The following ZNF438 variants were observed in gnomAD, a reference collection of about 807,000 sequenced individuals.
ZNF438 encodes the protein zinc finger protein 438.
In ZNF438, 25 loss-of-function variants were observed where a neutral mutation model predicts 38.0. That is an observed-to-expected ratio of 0.66 (90% CI 0.48 to 0.92). ZNF438 has a LOEUF of 0.92. ZNF438 is among the 40% of genes least tolerant of loss of function. The probability of loss-of-function intolerance (pLI) is 0.00; values close to 1 mark genes in which losing one functional copy is unlikely to be tolerated. For synonymous variants in ZNF438, 372 were observed against 364.1 expected, an observed-to-expected ratio of 1.02 and a Z score of -0.25; for missense variants, 1,007 against 999.6, an observed-to-expected ratio of 1.01 and a Z score of -0.10.
intron 1 of ZNF438, among the ~76,000 whole-genome samples, chr10:30,946,487 C>A (rs1365363892): frequency 6.6e-6 from 1 of 152,010 alleles, no homozygotes; most frequent in Non-Finnish European, 1.5e-5. Flanking sequence ...TGAACTCAAA[C>A]AAATTTACAA....
chr10:30,879,961 C>G (rs1437835309), intron 3 of ZNF438, among the ~76,000 whole-genome samples: 1 of 151,394 alleles, frequency 6.6e-6, no homozygotes, highest in Non-Finnish European at 1.5e-5. Context: ...CACACAGATC[C>G]AAACATCTCA....
intron 3 of ZNF438, among the ~76,000 whole-genome samples, chr10:30,883,991 C>T (rs2994614): frequency 0.78 from 118,744 of 152,162 alleles, 47,134 homozygotes; most frequent in African/African-American, 0.89. Context: ...CATCTCTCAG[C>T]GGGGCATTAA....
At chr10:30,857,714 T>C (rs4237394) in intron 4 of ZNF438, 589,658 of 1,498,006 alleles carry the variant, frequency 0.39, 117,991 homozygotes, top group Admixed American at 0.46. Context: ...AGAAAGGCTG[T>C]TGGATATTTG....
intron 2 of ZNF438, among the ~76,000 whole-genome samples, chr10:30,914,283 G>A (rs760639870): frequency 6.6e-6 from 1 of 152,044 alleles, no homozygotes; most frequent in South Asian, 2.1e-4. Flanking sequence ...ACAGGGGGCA[G>A]ATTAGTGGTT....
At chr10:31,031,848 T>C (rs2057317820) in exon 1 of ZNF438, 1 of 152,584 alleles carries the variant, frequency 6.6e-6, no homozygotes, top group Admixed American at 6.5e-5. Context: ...TCCTACAGCG[T>C]GCGCGTCACA....
Position 30,852,867 on chromosome 10 carries a change from T to C in ZNF438, c.38-2500A>G, listed in dbSNP as rs565451326. 9.2e-5 allele frequency among the ~76,000 whole-genome samples: 14 copies of C among 152,378 alleles called. No homozygotes were observed. The East Asian group carries it at 1.7e-3, about 19-fold the overall frequency. ...GGTAAATCACTTGACAATAGTCATC[T>C]GTATGGATTGCTACTTCTTCCTACA... On this transcript the variant is annotated intron_variant, in intron 4 of 5. Transcript: ENST00000413025.
intron 1 of ZNF438, among the ~76,000 whole-genome samples, chr10:30,963,645 G>A (rs1359282760): frequency 3.3e-5 from 5 of 152,004 alleles, no homozygotes; most frequent in East Asian, 1.9e-4. Flanking sequence ...AGGCCAAGGC[G>A]AGTGGATCAC....
chr10:30,974,144 G>A (rs1589514101), intron 1 of ZNF438, among the ~76,000 whole-genome samples: 1 of 152,298 alleles, frequency 6.6e-6, no homozygotes, highest in East Asian at 1.9e-4. Flanking sequence ...TGGGAATCTA[G>A]ATAAATAGTT....
chr10:30,885,616 GGT>G (rs1221026513), intron 3 of ZNF438, among the ~76,000 whole-genome samples: 1 of 152,130 alleles, frequency 6.6e-6, no homozygotes, highest in African/African-American at 2.4e-5. Context: ...TCATTCCCAA[GGT>G]GTGTGTCATT....
chr10:31,000,474 C>A (rs1009377786), intron 1 of ZNF438, among the ~76,000 whole-genome samples: 3 of 152,206 alleles, frequency 2.0e-5, no homozygotes, highest in African/African-American at 7.2e-5. Context: ...TCTACCCCCA[C>A]AAAACTCTGA....
chr10:30,995,415 T>C (rs147809768), intron 1 of ZNF438, among the ~76,000 whole-genome samples: 5 of 152,338 alleles, frequency 3.3e-5, no homozygotes, highest in Non-Finnish European at 7.3e-5. Context: ...AATACTGTGT[T>C]TTTAAAATAA....
intron 4 of ZNF438, among the ~76,000 whole-genome samples, chr10:30,872,085 C>T (rs2037500385): frequency 6.6e-6 from 1 of 152,070 alleles, no homozygotes; most frequent in African/African-American, 2.4e-5. Flanking sequence ...AACTGTAAGG[C>T]TGACAAGTGA....
intron 3 of ZNF438, among the ~76,000 whole-genome samples, chr10:30,893,167 T>C (rs1021060566): frequency 5.3e-5 from 8 of 152,196 alleles, no homozygotes; most frequent in Non-Finnish European, 8.8e-5. Context: ...AAAATTGCCA[T>C]AGGAATTTTT....
chr10:30,906,674 C>T (rs535180463), intron 3 of ZNF438, among the ~76,000 whole-genome samples: 1 of 152,332 alleles, frequency 6.6e-6, no homozygotes, highest in African/African-American at 2.4e-5. Context: ...TTCAGTTTTT[C>T]ACCATTAAGT....
intron 4 of ZNF438, among the ~76,000 whole-genome samples, chr10:30,861,113 C>T (rs934754565): frequency 1.3e-5 from 2 of 152,154 alleles, no homozygotes; most frequent in African/African-American, 2.4e-5. Context: ...GGTTCCTCCA[C>T]AGGACAATGA....
intron 3 of ZNF438, among the ~76,000 whole-genome samples, chr10:30,890,124 A>T (rs1304514859): frequency 3.3e-5 from 5 of 151,498 alleles, no homozygotes; most frequent in African/African-American, 1.2e-4. Context: ...GAAATGTACT[A>T]GAATATACTT....
intron 4 of ZNF438, among the ~76,000 whole-genome samples, chr10:30,854,586 A>ATTTT (rs1398272639): frequency 6.6e-6 from 1 of 152,236 alleles, no homozygotes; most frequent in African/African-American, 2.4e-5. Context: ...TATTTTGAAA[A>ATTTT]TTAAAAAAGA....
At chr10:30,935,970 C>T (rs1254189846) in intron 2 of ZNF438, among the ~76,000 whole-genome samples, 2 of 152,148 alleles carry the variant, frequency 1.3e-5, no homozygotes, top group African/African-American at 4.8e-5. Context: ...GGGGACACAG[C>T]CAAACCATAT....
intron 3 of ZNF438, among the ~76,000 whole-genome samples, chr10:30,902,071 C>T (rs564615889): frequency 1.7e-4 from 26 of 152,182 alleles, no homozygotes; most frequent in Admixed American, 5.9e-4. Flanking sequence ...GAGTGGGCAG[C>T]AGCAAGATTT....
Sources: allele counts gnomAD v4.1 joint callset (sites outside exome capture counted in the v4.1 genomes callset), GRCh38; gene constraint gnomAD v4.1.1; transcripts MANE v1.5; gene names NCBI Gene and HGNC (gene_info 2026-07-23, HGNC 2026-07-21).